The following PREX1 variants were observed in gnomAD, a reference collection of about 807,000 sequenced individuals.
PREX1 encodes phosphatidylinositol-3,4,5-trisphosphate dependent Rac exchange factor 1.
PREX1 carries 41 observed loss-of-function variants against 198.3 expected under a neutral mutation model. The ratio of observed to expected loss-of-function variants is 0.21; its 90% CI spans 0.16 to 0.27. PREX1 has a LOEUF of 0.27. PREX1 is among the 10% of genes least tolerant of loss of function. The probability of loss-of-function intolerance (pLI) is 1.00; values close to 1 mark genes in which losing one functional copy is unlikely to be tolerated. For missense variants in PREX1, 1,620 were observed against 2,200.7 expected, an observed-to-expected ratio of 0.74 and a Z score of 5.28; for synonymous variants, 843 against 887.2, an observed-to-expected ratio of 0.95 and a Z score of 0.89.
chr20:48,882,594 T>C, the PREX1 span, among the ~76,000 whole-genome samples: 3 of 151,176 alleles, frequency 2.0e-5, no homozygotes, highest in Middle Eastern at 3.4e-3. Context: ...GGGGTATATA[T>C]ACCTAGGAGT....
chr20:48,809,437 T>C (rs1435431765), intron 1 of PREX1, among the ~76,000 whole-genome samples: 1 of 152,132 alleles, frequency 6.6e-6, no homozygotes, highest in Non-Finnish European at 1.5e-5. Context: ...CCCACTACCA[T>C]GTGGTAGAGC....
intron 39 of PREX1, among the ~76,000 whole-genome samples, chr20:48,626,635 C>T (rs1030770352): frequency 6.6e-6 from 1 of 152,168 alleles, no homozygotes; most frequent in African/African-American, 2.4e-5. Context: ...ACGTGCCACT[C>T]GTGAGACACA....
chr20:48,645,255 G>A (rs1455383331), intron 26 of PREX1, among the ~76,000 whole-genome samples: 1 of 152,226 alleles, frequency 6.6e-6, no homozygotes, highest in African/African-American at 2.4e-5. Flanking sequence ...AGATTCCACT[G>A]TAACCACCAT....
chr20:48,868,096 A>G, the PREX1 span, among the ~76,000 whole-genome samples: 2 of 152,196 alleles, frequency 1.3e-5, no homozygotes, highest in Non-Finnish European at 2.9e-5. Context: ...AGACATGAAT[A>G]TAAGTTTCTT....
chr20:48,772,499 C>T (rs2090241074), intron 1 of PREX1, among the ~76,000 whole-genome samples: 1 of 152,204 alleles, frequency 6.6e-6, no homozygotes, highest in African/African-American at 2.4e-5. Context: ...ACTCCAATGC[C>T]CCAAATACTG....
chr20:48,833,510 C>T, the PREX1 span, among the ~76,000 whole-genome samples: 2 of 149,584 alleles, frequency 1.3e-5, no homozygotes, highest in Non-Finnish European at 3.0e-5. Flanking sequence ...GCCGCGATCT[C>T]GGCTCACTGC....
At position 48,645,978 on chromosome 20, in the gene PREX1, G is replaced by C; in HGVS notation, c.3385C>G (p.Leu1129Val). The change falls in exon 26 of 40, where the codon CTG (leucine) becomes GTG (valine). Residue 1129 changes from leucine (L) to valine (V), a missense_variant. Physicochemically the swap from Leu to Val is conservative, Grantham distance 32. Transcript: ENST00000371941. ...SLAEEASSLPLVSEESEMDRS... is the reference protein window; with the variant it reads ...SLAEEASSLPVVSEESEMDRS... ...TCCATCTCGCTCTCTTCACTGACCA[G>C]GGGCAGGGAGGAGGCCTCCTCAGCC... The C allele has an allele frequency of 6.2e-7, 1 of 1,614,188 alleles. No individual in the cohort carries two copies. Among genetic ancestry groups the C allele is most frequent in the Non-Finnish European group, 8.5e-7 (1 of 1,180,030 alleles).
intron 1 of PREX1, among the ~76,000 whole-genome samples, chr20:48,749,726 C>T (rs1272664074): frequency 6.6e-6 from 1 of 152,240 alleles, no homozygotes; most frequent in Non-Finnish European, 1.5e-5. Context: ...TCTCTGTCCA[C>T]ACAGAGTGCA....
chr20:48,676,679 A>C (rs1465335831), intron 13 of PREX1, among the ~76,000 whole-genome samples: 1 of 152,144 alleles, frequency 6.6e-6, no homozygotes, highest in Non-Finnish European at 1.5e-5. Context: ...AAGATCCTAC[A>C]ATGCCAGGCA....
intron 10 of PREX1, among the ~76,000 whole-genome samples, chr20:48,687,007 G>A (rs1021097514): frequency 2.6e-5 from 4 of 152,076 alleles, no homozygotes; most frequent in South Asian, 2.1e-4. Flanking sequence ...CTTGGCTTCC[G>A]GAGGAGTGCC....
intron 15 of PREX1, among the ~76,000 whole-genome samples, chr20:48,663,399 T>C (rs1601057370): frequency 1.3e-5 from 2 of 152,276 alleles, no homozygotes; most frequent in Middle Eastern, 3.4e-3. Context: ...TGGTGGCGCA[T>C]GCCTGTAATC....
chr20:48,863,615 T>A, the PREX1 span, among the ~76,000 whole-genome samples: 1 of 142,444 alleles, frequency 7.0e-6, no homozygotes, highest in Non-Finnish European at 1.5e-5. Context: ...TTTGACACAG[T>A]CTCGCTCTGT....
chr20:48,708,177 T>C (rs2089912570), intron 6 of PREX1, 83 bp downstream of exon 6: 2 of 1,430,638 alleles, frequency 1.4e-6, no homozygotes, highest in East Asian at 4.6e-5. Context: ...GACTGACAGG[T>C]GCCCAGGCCT....
At chr20:48,819,761 G>A (rs1280108459) in intron 1 of PREX1, among the ~76,000 whole-genome samples, 4 of 152,210 alleles carry the variant, frequency 2.6e-5, no homozygotes, top group African/African-American at 7.2e-5. Context: ...ATTCCCTGAG[G>A]GCAGAGACCT....
rs983115010 is a variant in PREX1 at position 48,657,200 on chromosome 20, C to T, written c.1975-12G>A. 18 of 1,612,848 alleles carry T rather than the reference C, an allele frequency of 1.1e-5. No individual in the cohort carries two copies. The highest frequency in any genetic ancestry group is 4.5e-5 in the East Asian group (2 of 44,892). On this transcript the variant is annotated splice_polypyrimidine_tract_variant and intron_variant, in intron 17 of 39. Transcript: ENST00000371941. The stretch of plus-strand genomic sequence containing the variant: ...TGCAGGCCAGCCACCTGGGTAGGGA[C>T]GGCAGAGGACAGACGTGCACACCAG...
intron 15 of PREX1, among the ~76,000 whole-genome samples, chr20:48,665,595 C>T (rs1180287157): frequency 6.6e-6 from 1 of 152,170 alleles, no homozygotes; most frequent in East Asian, 1.9e-4. Context: ...AGCTTCTATA[C>T]CCTCATCTAT....
In PREX1 at chr20:48,639,774, T is replaced by G. The variant is rs749392176; in HGVS notation, c.3896A>C (p.Tyr1299Ser). The change falls in exon 30 of 40, where the codon TAT becomes TCT. Residue 1299 changes from tyrosine to serine, a missense_variant. Transcript: ENST00000371941. Reference sequence around the variant, plus strand: ...CCTCCCTGCCCACCGACCTTCCACATATCTCTGAATGTTGTCCACCAGGGT... The same window carrying G: ...CCTCCCTGCCCACCGACCTTCCACAGATCTCTGAATGTTGTCCACCAGGGT... ...IKTLVDNIQRYVEDGKNQLLL... is the reference protein window; with the variant it reads ...IKTLVDNIQRSVEDGKNQLLL... The G allele has an allele frequency of 1.4e-5, 23 of 1,613,802 alleles. No homozygotes were observed. Among genetic ancestry groups the G allele is most frequent in the Admixed American group, 3.3e-5 (2 of 59,986 alleles).
chr20:48,730,413 C>CCA (rs71827793), intron 4 of PREX1, among the ~76,000 whole-genome samples: 8,174 of 146,658 alleles, frequency 0.056, 251 homozygotes, highest in East Asian at 0.14. Flanking sequence ...GCAAAAGCCA[C>CCA]CACACACACA....
chr20:48,629,420 A>G lies in PREX1; in HGVS notation c.4766+29T>C, dbSNP rs201913214. The G allele has an allele frequency of 9.7e-5, 155 of 1,604,842 alleles. No homozygotes were observed. The East Asian group carries it at 2.5e-3, about 26-fold the overall frequency. Reference sequence around the variant, plus strand: ...CCAGAAGCTAGGCCAGCCCCTCCCCACACCCCGACTCAGCGGGCAGCAGCT... The same window carrying G: ...CCAGAAGCTAGGCCAGCCCCTCCCCGCACCCCGACTCAGCGGGCAGCAGCT... On this transcript the variant is annotated intron_variant, in intron 37 of 39. Coordinates refer to ENST00000371941, the MANE Select transcript of PREX1 (RefSeq NM_020820.4).
Sources: allele counts gnomAD v4.1 joint callset (sites outside exome capture counted in the v4.1 genomes callset), GRCh38; gene constraint gnomAD v4.1.1; transcripts MANE v1.5; gene names NCBI Gene and HGNC (gene_info 2026-07-23, HGNC 2026-07-21).